Variants in TM9SF4 observed in about 807,000 individuals in gnomAD.
TM9SF4 encodes the protein dinucleotide oxidase disulfide thiol exchanger 3 superfamily member 4.
A neutral mutation model predicts 90.4 loss-of-function variants in TM9SF4; 26 were observed. That is an observed-to-expected ratio of 0.29 (90% CI 0.21 to 0.40). The LOEUF (loss-of-function observed/expected upper bound fraction) is 0.40, where lower values mean the gene tolerates loss of function less well. TM9SF4 is among the 10% of genes least tolerant of loss of function. The pLI is 1.00. For synonymous variants in TM9SF4, 293 were observed against 315.4 expected (o/e 0.93, Z 0.75); for missense variants, 549 against 834.8 (o/e 0.66, Z 4.22).
Position 32,149,735 on chromosome 20 carries a change from T to G in TM9SF4, c.1056T>G (p.Ile352Met), listed in dbSNP as rs1211072342. ...MILSSLLGSG[I>M]QLFCMILIVI... ...TCAGCTCCCTGCTGGGCTCAGGCAT[T>G]CAGCTGTTCTGTATGATCCTCATCG... Residue 352 changes from isoleucine (I) to methionine (M), a missense_variant, in exon 10 of 18, where the codon ATT becomes ATG. Ile to Met is a conservative substitution (Grantham distance 10, BLOSUM62 1). This residue lies in a region of TM9SF4 where 495 missense variants were observed against 711.7 expected (regional missense o/e 0.70). Transcript: ENST00000398022. 2 of 1,614,054 alleles carry G rather than the reference T, an allele frequency of 1.2e-6. No homozygotes were observed. The highest frequency in any genetic ancestry group is 4.5e-5 in the East Asian group (2 of 44,898).
chr20:32,136,867 T>G (rs1301584443), intron 3 of TM9SF4: 1 of 471,216 alleles, frequency 2.1e-6, no homozygotes, highest in Non-Finnish European at 4.4e-6. Context: ...TTTCTTTTCT[T>G]ACACCTTAGG....
intron 5 of TM9SF4, 33 bp downstream of exon 5, chr20:32,141,928 G>C: frequency 6.2e-7 from 1 of 1,613,230 alleles, no homozygotes; most frequent in Non-Finnish European, 8.5e-7. Context: ...ACAGGACCGG[G>C]AGCCACACCT....
chr20:32,137,719 C>T, intron 3 of TM9SF4, among the ~76,000 whole-genome samples: 1 of 152,178 alleles, frequency 6.6e-6, no homozygotes, highest in East Asian at 1.9e-4. Context: ...CCATTTACAT[C>T]ATCATCCTCA....
chr20:32,159,773 G>A (rs2046986755), intron 15 of TM9SF4: 1 of 589,676 alleles, frequency 1.7e-6, no homozygotes, highest in Admixed American at 3.0e-5. Context: ...TTCAGGCTGG[G>A]GTCTACCCAG....
rs199815568 is a variant in TM9SF4 at position 32,143,112 on chromosome 20, G to T, written c.652+7G>T. 44 of 1,612,258 alleles carry T rather than the reference G, an allele frequency of 2.7e-5. No homozygotes were observed. The highest frequency in any genetic ancestry group is 1.7e-4 in the Middle Eastern group (1 of 6,012). ...CAGAGCATCAGGCTGGAGGGTGAGT[G>T]GGGAGGTGTGGCCGGAGGGGCAGGG... is the stretch of plus-strand genomic sequence containing the variant. On this transcript the variant is annotated splice_region_variant and intron_variant, in intron 6 of 17. Transcript: ENST00000398022.
chr20:32,131,116 A>C (rs1259982059), intron 1 of TM9SF4, among the ~76,000 whole-genome samples: 1 of 152,224 alleles, frequency 6.6e-6, no homozygotes, highest in Non-Finnish European at 1.5e-5. Flanking sequence ...TTTCTTTTAA[A>C]GATTTTCCTG....
chr20:32,145,543 A>C (rs1210492391), intron 8 of TM9SF4, 120 bp downstream of exon 8: 12 of 789,594 alleles, frequency 1.5e-5, no homozygotes, highest in Non-Finnish European at 2.5e-5. Context: ...TCAAAAACAG[A>C]CATCAGGGCT....
intron 1 of TM9SF4, among the ~76,000 whole-genome samples, chr20:32,129,892 T>G (rs1450750737): frequency 1.3e-5 from 2 of 152,212 alleles, no homozygotes; most frequent in Non-Finnish European, 2.9e-5. Flanking sequence ...TGGCCAGTAG[T>G]GAACTATTTT....
Position 32,141,812 on chromosome 20 carries a change from A to C in TM9SF4, c.445A>C (p.Asn149His). Residue 149 changes from asparagine to histidine, a missense_variant, in exon 5 of 18, where the codon AAC becomes CAC. By Grantham distance (68) the Asn-to-His change is moderately conservative. Transcript: ENST00000398022. ...PVATRLELYSNRDSDDKKKEK... is the reference protein window; with the variant it reads ...PVATRLELYSHRDSDDKKKEK... ...GGCCACCCGGCTGGAGCTCTACTCC[A>C]ACCGAGACAGCGATGACAAGAAGAA... The C allele has an allele frequency of 6.2e-7, 1 of 1,614,132 alleles. No homozygotes were observed. The highest frequency in any genetic ancestry group is 8.5e-7 in the Non-Finnish European group (1 of 1,180,020).
In TM9SF4 at chr20:32,159,982, G is replaced by C; in HGVS notation, c.1570-10G>C. 6.2e-7 allele frequency: 1 copy of C among 1,614,236 alleles called. No individual in the cohort carries two copies. Among genetic ancestry groups the C allele is most frequent in the Non-Finnish European group, 8.5e-7 (1 of 1,180,028 alleles). ...GTCAAGCCAGCTGAAGCCCCACTGT[G>C]TGTCCACAGGCTATCTGGGAGAATC... On this transcript the variant is annotated splice_polypyrimidine_tract_variant and intron_variant, in intron 15 of 17. Transcript: ENST00000398022.
At chr20:32,135,835 A>G (rs911334918) in intron 2 of TM9SF4, among the ~76,000 whole-genome samples, 4 of 152,240 alleles carry the variant, frequency 2.6e-5, no homozygotes, top group African/African-American at 9.6e-5. Flanking sequence ...GGATAGTAGC[A>G]TGTTCAAGAC....
intron 1 of TM9SF4, among the ~76,000 whole-genome samples, chr20:32,131,370 A>G (rs1048776321): frequency 1.3e-5 from 2 of 152,194 alleles, no homozygotes; most frequent in African/African-American, 4.8e-5. Flanking sequence ...TTGTAAAGCC[A>G]TTTTTCCCTC....
chr20:32,152,150 G>A (rs1164580347), intron 12 of TM9SF4, among the ~76,000 whole-genome samples: 3 of 151,854 alleles, frequency 2.0e-5, no homozygotes, highest in East Asian at 1.9e-4. Context: ...GATTATAGGC[G>A]TGAGCCACCA....
At position 32,132,998 on chromosome 20, in the gene TM9SF4, C is replaced by G; in HGVS notation, c.16-15C>G. 3 of 1,612,356 alleles carry G rather than the reference C, an allele frequency of 1.9e-6. No individual in the cohort carries two copies. The highest frequency in any genetic ancestry group is 2.5e-6 in the Non-Finnish European group (3 of 1,178,648). Reference sequence around the variant, plus strand: ...TTCTTCTCCCCAATCCAACCCTGGCCTCTCTTCTGAGCAGGATTGGTTGCC... The same window carrying G: ...TTCTTCTCCCCAATCCAACCCTGGCGTCTCTTCTGAGCAGGATTGGTTGCC... On this transcript the variant is annotated splice_polypyrimidine_tract_variant and intron_variant, in intron 1 of 17. Coordinates refer to ENST00000398022, the MANE Select transcript of TM9SF4 (RefSeq NM_014742.4).
At chr20:32,155,828 G>A (rs2046911390) in intron 13 of TM9SF4, among the ~76,000 whole-genome samples, 1 of 152,168 alleles carries the variant, frequency 6.6e-6, no homozygotes, top group Non-Finnish European at 1.5e-5. Context: ...GGCGGTAAAG[G>A]TCCTTGCATG....
chr20:32,155,305 A>C (rs2122457351), intron 13 of TM9SF4, 119 bp downstream of exon 13: 1 of 894,436 alleles, frequency 1.1e-6, no homozygotes, highest in South Asian at 1.4e-5. Flanking sequence ...CCCCAGAGTT[A>C]CGTTCCCAGC....
intron 13 of TM9SF4, among the ~76,000 whole-genome samples, chr20:32,157,235 G>A (rs1416954606): frequency 6.6e-6 from 1 of 152,124 alleles, no homozygotes; most frequent in Non-Finnish European, 1.5e-5. Context: ...TTACAGGCAT[G>A]AGCCACTGCT....
At chr20:32,148,586 G>GT (rs1166644809) in intron 9 of TM9SF4, among the ~76,000 whole-genome samples, 1 of 147,210 alleles carries the variant, frequency 6.8e-6, no homozygotes, top group Non-Finnish European at 1.5e-5. Context: ...CAGGCAACTT[G>GT]TTTTGCACAG....
chr20:32,158,044 G>A (rs769840098), intron 14 of TM9SF4, 75 bp downstream of exon 14: 888 of 1,572,788 alleles, frequency 5.6e-4, no homozygotes, highest in Non-Finnish European at 7.4e-4. Flanking sequence ...AGAAGGGTGC[G>A]GCAACCAGAG....
Sources: gnomAD v4.1 joint callset for allele counts (sites outside exome capture counted in the v4.1 genomes callset) on GRCh38, gnomAD v4.1.1 for gene constraint, gnomAD v4.1.1 regional missense constraint, MANE v1.5 for transcripts, NCBI Gene and HGNC (gene_info 2026-07-23, HGNC 2026-07-21) for gene names.